Variants in IL1RAPL1 observed in about 807,000 individuals in gnomAD.
IL1RAPL1 encodes the protein interleukin-1 receptor accessory protein-like 1.
A neutral mutation model predicts 48.4 loss-of-function variants in IL1RAPL1; 3 were observed. That is an observed-to-expected ratio of 0.06 (90% CI 0.03 to 0.16). The LOEUF (loss-of-function observed/expected upper bound fraction) is 0.16, where lower values mean the gene tolerates loss of function less well. Among genes scored for constraint, IL1RAPL1 ranks in the 10% least tolerant of loss-of-function variants. The pLI is 1.00. For synonymous variants in IL1RAPL1, 185 were observed against 187.7 expected, an observed-to-expected ratio of 0.99 and a Z score of 0.12; for missense variants, 349 against 530.6, an observed-to-expected ratio of 0.66 and a Z score of 3.36.
rs767662060 is a variant in IL1RAPL1 at position 29,751,163 on chromosome X, G to A, written c.778+82659G>A. Among the ~76,000 whole-genome samples, 5 of 111,079 alleles carry A rather than the reference G, an allele frequency of 4.5e-5. No homozygotes were observed. The South Asian group carries it at 1.9e-3, about 42-fold the overall frequency. On this transcript the variant is annotated intron_variant, in intron 6 of 10. Coordinates refer to ENST00000378993, the MANE Select transcript of IL1RAPL1 (RefSeq NM_014271.4). Reference sequence around the variant, plus strand: ...ACATGAATATGTGGATTATATCAGAGCAAGTCATCATCTAAAACTAGATTC... The same window carrying A: ...ACATGAATATGTGGATTATATCAGAACAAGTCATCATCTAAAACTAGATTC...
chrX:28,944,548 A>C, intron 2 of IL1RAPL1, among the ~76,000 whole-genome samples: 1 of 111,080 alleles, frequency 9.0e-6, no homozygotes, highest in African/African-American at 3.3e-5. Context: ...TTATAATGTC[A>C]GTGATTTAAA....
chrX:29,946,274 T>C (rs1175197216), intron 9 of IL1RAPL1, among the ~76,000 whole-genome samples: 3 of 112,199 alleles, frequency 2.7e-5, no homozygotes, highest in Admixed American at 1.9e-4. Flanking sequence ...TAGAACAGTC[T>C]AGACTTAGCT....
chrX:28,886,951 C>T (rs1012575181), intron 2 of IL1RAPL1, among the ~76,000 whole-genome samples: 7 of 111,822 alleles, frequency 6.3e-5, no homozygotes, highest in Admixed American at 1.9e-4. Context: ...TAGGAAATTA[C>T]AGAGTAAAAT....
At chrX:29,130,248 G>A (rs1348940490) in intron 2 of IL1RAPL1, among the ~76,000 whole-genome samples, 1 of 111,655 alleles carries the variant, frequency 9.0e-6, no homozygotes, top group Non-Finnish European at 1.9e-5. Flanking sequence ...AACATATCAC[G>A]AAGGGGAAAG....
intron 2 of IL1RAPL1, among the ~76,000 whole-genome samples, chrX:29,039,427 C>T (rs1415315750): frequency 3.6e-5 from 4 of 112,046 alleles, no homozygotes; most frequent in Non-Finnish European, 7.5e-5. Context: ...CTGTTGAATA[C>T]TGTCTTTCTC....
intron 2 of IL1RAPL1, among the ~76,000 whole-genome samples, chrX:28,925,914 T>C (rs1268321603): frequency 9.0e-6 from 1 of 111,707 alleles, no homozygotes; most frequent in Non-Finnish European, 1.9e-5. Context: ...AGTGAGACTC[T>C]GTCTCACACA....
chrX:29,392,308 T>C (rs1327270141), intron 3 of IL1RAPL1, among the ~76,000 whole-genome samples: 1 of 112,186 alleles, frequency 8.9e-6, no homozygotes, highest in East Asian at 2.8e-4. Context: ...ATTTACCCCA[T>C]TCCACGTTAT....
chrX:29,943,683 G>A (rs1023338998), intron 9 of IL1RAPL1, among the ~76,000 whole-genome samples: 5 of 112,007 alleles, frequency 4.5e-5, no homozygotes, highest in Non-Finnish European at 1.9e-5. Flanking sequence ...TTTATTTTGT[G>A]TTCTGAATGA....
chrX:29,834,013 G>A (rs1022410082), intron 6 of IL1RAPL1, among the ~76,000 whole-genome samples: 6 of 111,841 alleles, frequency 5.4e-5, no homozygotes, highest in Admixed American at 2.8e-4. Context: ...TGTAGCCATC[G>A]CCTCCACCAT....
intron 2 of IL1RAPL1, among the ~76,000 whole-genome samples, chrX:28,927,693 GT>G (rs1923782353): frequency 9.7e-6 from 1 of 102,949 alleles, no homozygotes; most frequent in Non-Finnish European, 2.0e-5. Flanking sequence ...CCATGTCTCT[GT>G]TCTTCCCATA....
intron 6 of IL1RAPL1, among the ~76,000 whole-genome samples, chrX:29,670,236 T>G (rs1224249722): frequency 8.9e-6 from 1 of 111,760 alleles, no homozygotes; most frequent in Non-Finnish European, 1.9e-5. Context: ...AAGCTTTACC[T>G]TCTCTTGAAC....
At chrX:29,063,952 A>T (rs150402007) in intron 2 of IL1RAPL1, among the ~76,000 whole-genome samples, 15 of 111,816 alleles carry the variant, frequency 1.3e-4, no homozygotes, top group African/African-American at 4.2e-4. Flanking sequence ...TGGACCCACT[A>T]ACACAATCAG....
At chrX:28,871,028 A>C in intron 2 of IL1RAPL1, among the ~76,000 whole-genome samples, 1 of 111,777 alleles carries the variant, frequency 8.9e-6, no homozygotes, top group East Asian at 2.8e-4. Context: ...AGAAAGTGAA[A>C]ATATTAATTT....
chrX:29,117,756 C>T (rs1928705445), intron 2 of IL1RAPL1, among the ~76,000 whole-genome samples: 1 of 111,219 alleles, frequency 9.0e-6, no homozygotes, highest in Admixed American at 9.6e-5. Flanking sequence ...CCCTGTTTTT[C>T]ATTCGTTTCC....
At chrX:29,914,637 CTTA>C (rs1932783249) in intron 6 of IL1RAPL1, among the ~76,000 whole-genome samples, 1 of 110,969 alleles carries the variant, frequency 9.0e-6, no homozygotes, top group Admixed American at 9.7e-5. Context: ...TATTTTGAGA[CTTA>C]TTATTGAATT....
At chrX:29,557,443 A>G (rs538869399) in intron 5 of IL1RAPL1, among the ~76,000 whole-genome samples, 1 of 112,193 alleles carries the variant, frequency 8.9e-6, no homozygotes, top group South Asian at 3.7e-4. Flanking sequence ...CGATGTAAGC[A>G]TACATTGTGA....
At chrX:28,846,015 C>T (rs1325503184) in intron 2 of IL1RAPL1, among the ~76,000 whole-genome samples, 1 of 111,912 alleles carries the variant, frequency 8.9e-6, no homozygotes, top group Non-Finnish European at 1.9e-5. Context: ...GGGACAAATG[C>T]ATCCACCATT....
intron 1 of IL1RAPL1, among the ~76,000 whole-genome samples, chrX:28,726,438 A>G (rs1935677924): frequency 8.9e-6 from 1 of 112,540 alleles, no homozygotes. Context: ...AGATTCAAGC[A>G]TACCTTCCTT....
chrX:29,709,826 A>C (rs1437821993), intron 6 of IL1RAPL1, among the ~76,000 whole-genome samples: 1 of 111,928 alleles, frequency 8.9e-6, no homozygotes, highest in Non-Finnish European at 1.9e-5. Flanking sequence ...TTATTTGTGT[A>C]TTCTTCAATT....
Sources: allele counts gnomAD v4.1 joint callset (sites outside exome capture counted in the v4.1 genomes callset), GRCh38; gene constraint gnomAD v4.1.1; transcripts MANE v1.5; gene names NCBI Gene and HGNC (gene_info 2026-07-23, HGNC 2026-07-21).